AGBL3: variants seen among roughly 807,000 people sequenced by gnomAD.
The protein encoded by AGBL3 is AGBL carboxypeptidase 3, also known as cytosolic carboxypeptidase 3.
Under a neutral mutation model 94.5 loss-of-function variants are expected in AGBL3, and 68 were observed. That is an observed-to-expected ratio of 0.72 (90% confidence interval 0.59 to 0.88). The LOEUF is 0.88. Ranked by LOEUF, AGBL3 falls within the 40% of genes least tolerant of loss-of-function variation. The probability of loss-of-function intolerance (pLI) is 0.00; values close to 1 mark genes in which losing one functional copy is unlikely to be tolerated. For missense variants in AGBL3, 934 were observed against 1,103.8 expected (o/e 0.85, Z 2.18); for synonymous variants, 354 against 370.7 (o/e 0.95, Z 0.52).
chr7:134,998,716 C>CA (rs1811323164), intron 4 of AGBL3, among the ~76,000 whole-genome samples: 1 of 152,220 alleles, frequency 6.6e-6, no homozygotes, highest in African/African-American at 2.4e-5. Flanking sequence ...GGTGAAGACA[C>CA]AGTCCACCCC....
At position 135,113,821 on chromosome 7, in the gene AGBL3, C is replaced by G. The variant is rs150741098; in HGVS notation, c.2111-1559C>G. Reference sequence around the variant, plus strand: ...TATTCCTCTGCAATTCTCCCTCCCCCCAGCACCTGGAAACCATCCTTCTAC... The same window carrying G: ...TATTCCTCTGCAATTCTCCCTCCCCGCAGCACCTGGAAACCATCCTTCTAC... On this transcript the variant is annotated intron_variant, in intron 15 of 16. Transcript: ENST00000436302. Among the ~76,000 whole-genome samples, 58 of 152,312 alleles carry G rather than the reference C, an allele frequency of 3.8e-4. 1 individual carries two copies. The East Asian group carries it at 0.011, about 29-fold the overall frequency.
intron 12 of AGBL3, among the ~76,000 whole-genome samples, chr7:135,074,468 A>C (rs1340705187): frequency 6.6e-6 from 1 of 152,166 alleles, no homozygotes; most frequent in Non-Finnish European, 1.5e-5. Context: ...ATGAACAACA[A>C]ATTTGGACAA....
chr7:135,081,708 A>G lies in AGBL3; in HGVS notation c.2039-11A>G. ...TTTTCATGCTACTATGATCTTTATCATCTTCTCTAGATACAAGGCCAAATG... is the reference window on the plus strand; with the variant it reads ...TTTTCATGCTACTATGATCTTTATCGTCTTCTCTAGATACAAGGCCAAATG... On this transcript the variant is annotated splice_polypyrimidine_tract_variant and intron_variant, in intron 14 of 16. Coordinates refer to ENST00000436302, the MANE Select transcript of AGBL3 (RefSeq NM_178563.4). 1 of 1,504,614 alleles carries G rather than the reference A, an allele frequency of 6.6e-7. No homozygotes were observed. Among genetic ancestry groups the G allele is most frequent in the Non-Finnish European group, 9.0e-7 (1 of 1,110,046 alleles). 93.2% of individuals were successfully genotyped at this position (1,504,614 alleles called of 1,614,324 possible).
intron 8 of AGBL3, among the ~76,000 whole-genome samples, chr7:135,039,040 T>C (rs1044504007): frequency 1.3e-5 from 2 of 152,092 alleles, no homozygotes; most frequent in Non-Finnish European, 2.9e-5. Flanking sequence ...CTGGAACTGG[T>C]AGATAGACAG....
intron 15 of AGBL3, among the ~76,000 whole-genome samples, chr7:135,097,145 C>T (rs969082569): frequency 6.6e-6 from 1 of 152,146 alleles, no homozygotes; most frequent in Non-Finnish European, 1.5e-5. Context: ...CCCTTGATTG[C>T]TTGATGAAAC....
At chr7:134,998,033 C>T (rs935649452) in intron 4 of AGBL3, among the ~76,000 whole-genome samples, 3 of 152,140 alleles carry the variant, frequency 2.0e-5, no homozygotes, top group African/African-American at 7.2e-5. Flanking sequence ...CCAAGGAGGC[C>T]GTGATTCAAT....
chr7:135,085,318 T>G (rs1031142287), intron 15 of AGBL3, among the ~76,000 whole-genome samples: 1 of 152,182 alleles, frequency 6.6e-6, no homozygotes, highest in African/African-American at 2.4e-5. Context: ...ATCTGTTGAT[T>G]GGTTCCTTTG....
intron 14 of AGBL3, among the ~76,000 whole-genome samples, chr7:135,080,696 A>G (rs574682010): frequency 6.6e-4 from 99 of 150,984 alleles, no homozygotes; most frequent in Non-Finnish European, 1.2e-3. Flanking sequence ...CTTCTACTGC[A>G]ACCTGCTAAG....
chr7:135,108,815 T>G (rs891396453), intron 15 of AGBL3, among the ~76,000 whole-genome samples: 1 of 152,208 alleles, frequency 6.6e-6, no homozygotes, highest in Non-Finnish European at 1.5e-5. Context: ...CTTTCAGGGA[T>G]GCAAATGATT....
intron 5 of AGBL3, among the ~76,000 whole-genome samples, chr7:135,031,898 G>A (rs1815782435): frequency 6.6e-6 from 1 of 152,166 alleles, no homozygotes; most frequent in Non-Finnish European, 1.5e-5. Context: ...TCTTTTGACT[G>A]GGTAGCCAAA....
At chr7:135,128,793 T>C (rs1193792904) in intron 16 of AGBL3, 2 of 1,227,228 alleles carry the variant, frequency 1.6e-6, no homozygotes, top group Non-Finnish European at 2.4e-6. Flanking sequence ...CTGGATCTGA[T>C]ACAGACCAAG....
intron 12 of AGBL3, among the ~76,000 whole-genome samples, chr7:135,059,590 G>A (rs1247109305): frequency 1.3e-5 from 2 of 152,224 alleles, no homozygotes; most frequent in Non-Finnish European, 2.9e-5. Flanking sequence ...GGCACTGGCT[G>A]AGTGATGGGG....
intron 15 of AGBL3, among the ~76,000 whole-genome samples, chr7:135,094,992 T>C (rs1822444180): frequency 6.6e-6 from 1 of 152,168 alleles, no homozygotes; most frequent in Admixed American, 6.5e-5. Flanking sequence ...TTTTCATAGT[T>C]CCCTTGTTGG....
At chr7:135,048,019 C>A (rs762393709) in intron 11 of AGBL3, among the ~76,000 whole-genome samples, 1 of 151,764 alleles carries the variant, frequency 6.6e-6, no homozygotes, top group Non-Finnish European at 1.5e-5. Flanking sequence ...AGTGTTTAGC[C>A]CATTTTGAGT....
chr7:135,018,247 G>A lies in AGBL3; in HGVS notation c.418+1088G>A, dbSNP rs140642327. 7.2e-5 allele frequency among the ~76,000 whole-genome samples: 11 copies of A among 152,268 alleles called. No homozygotes were observed. In the East Asian group the frequency reaches 1.9e-3, roughly 27 times the overall value. On this transcript the variant is annotated intron_variant, in intron 5 of 16. Transcript: ENST00000436302. ...TTTAGGTATAGGAGAGGGCAGCCTC[G>A]AAACAACTGTAGCTTTTAGTAAAGA... is the stretch of plus-strand genomic sequence containing the variant.
At chr7:135,096,701 AAAAG>A (rs1319118511) in intron 15 of AGBL3, among the ~76,000 whole-genome samples, 1 of 150,640 alleles carries the variant, frequency 6.6e-6, no homozygotes, top group East Asian at 2.0e-4. Context: ...CCAAAAAAGA[AAAAG>A]AGGGAAGAAA....
intron 12 of AGBL3, among the ~76,000 whole-genome samples, chr7:135,072,388 AT>A (rs1168454787): frequency 6.6e-6 from 1 of 152,186 alleles, no homozygotes; most frequent in Non-Finnish European, 1.5e-5. Flanking sequence ...TAGAAATACC[AT>A]TTGACCCAGC....
chr7:135,087,408 G>A (rs1349880024), intron 15 of AGBL3, among the ~76,000 whole-genome samples: 1 of 151,074 alleles, frequency 6.6e-6, no homozygotes, highest in Non-Finnish European at 1.5e-5. Context: ...CTAGTTCCTT[G>A]TGTTACATAA....
intron 4 of AGBL3, among the ~76,000 whole-genome samples, chr7:135,008,685 T>A (rs758410273): frequency 9.2e-5 from 14 of 151,598 alleles, no homozygotes; most frequent in Non-Finnish European, 1.9e-4. Context: ...ACAGAAACTG[T>A]CAAGAAAATG....
Sources: allele counts gnomAD v4.1 joint callset (sites outside exome capture counted in the v4.1 genomes callset), GRCh38; gene constraint gnomAD v4.1.1; transcripts MANE v1.5; gene names NCBI Gene and HGNC (gene_info 2026-07-23, HGNC 2026-07-21).